Variants in GABRG3 observed in about 807,000 individuals in gnomAD.
The protein encoded by GABRG3 is gamma-aminobutyric acid receptor subunit gamma-3.
A neutral mutation model predicts 48.8 loss-of-function variants in GABRG3; 25 were observed. The ratio of observed to expected loss-of-function variants is 0.51; its 90% confidence interval spans 0.37 to 0.72. The LOEUF is 0.72. GABRG3 is among the 30% of genes least tolerant of loss of function. The pLI, the probability that GABRG3 is intolerant of heterozygous loss-of-function variation, is 0.00. For missense variants in GABRG3, 394 were observed against 577.9 expected, an observed-to-expected ratio of 0.68 and a Z score of 3.26; for synonymous variants, 227 against 217.6, an observed-to-expected ratio of 1.04 and a Z score of -0.38.
At chr15:27,135,742 TA>T (rs1446968205) in intron 3 of GABRG3, among the ~76,000 whole-genome samples, 4 of 151,922 alleles carry the variant, frequency 2.6e-5, no homozygotes, top group Admixed American at 2.6e-4. Context: ...CCATCTCTAC[TA>T]AAAATACAAA....
At chr15:27,470,244 CTT>C (rs535233140) in intron 5 of GABRG3, among the ~76,000 whole-genome samples, 2 of 146,364 alleles carry the variant, frequency 1.4e-5, no homozygotes, top group African/African-American at 5.0e-5. Flanking sequence ...CTTTCTCTCT[CTT>C]TTTTTTTTTC....
chr15:27,263,411 C>A (rs1331001392), intron 3 of GABRG3, among the ~76,000 whole-genome samples: 1 of 152,090 alleles, frequency 6.6e-6, no homozygotes, highest in African/African-American at 2.4e-5. Context: ...CCTTCTATGA[C>A]AGAAACGACT....
chr15:27,509,210 T>G (rs1352043077), intron 6 of GABRG3, among the ~76,000 whole-genome samples: 1 of 152,198 alleles, frequency 6.6e-6, no homozygotes, highest in African/African-American at 2.4e-5. Flanking sequence ...GCTCCTCTGG[T>G]GAGGGAAAAA....
intron 3 of GABRG3, among the ~76,000 whole-genome samples, chr15:27,214,350 G>T (rs898730329): frequency 1.3e-5 from 2 of 152,232 alleles, no homozygotes; most frequent in Non-Finnish European, 2.9e-5. Context: ...GGCCATGATG[G>T]CCGCGTCGGG....
intron 6 of GABRG3, among the ~76,000 whole-genome samples, chr15:27,487,309 A>G (rs1485342798): frequency 6.6e-6 from 1 of 152,246 alleles, no homozygotes; most frequent in Non-Finnish European, 1.5e-5. Context: ...ACCTGAATAA[A>G]TTATAACATT....
chr15:27,472,993 G>T (rs538959651), intron 5 of GABRG3, among the ~76,000 whole-genome samples: 60 of 152,166 alleles, frequency 3.9e-4, no homozygotes, highest in African/African-American at 1.4e-3. Context: ...ATATATTAAT[G>T]TATTAAAAGA....
At chr15:27,013,827 G>A (rs1326523184) in intron 2 of GABRG3, among the ~76,000 whole-genome samples, 3 of 151,942 alleles carry the variant, frequency 2.0e-5, no homozygotes, top group Non-Finnish European at 4.4e-5. Context: ...CCCCAGGATT[G>A]TTTTGGCTAT....
At chr15:27,348,627 A>C (rs982461014) in intron 5 of GABRG3, among the ~76,000 whole-genome samples, 26 of 152,194 alleles carry the variant, frequency 1.7e-4, no homozygotes, top group African/African-American at 6.3e-4. Flanking sequence ...CCTCTTTCCA[A>C]TGATTAAGTG....
At chr15:27,088,580 G>A (rs1897128169) in intron 3 of GABRG3, among the ~76,000 whole-genome samples, 1 of 152,146 alleles carries the variant, frequency 6.6e-6, no homozygotes, top group African/African-American at 2.4e-5. Flanking sequence ...CAGTTCCGCA[G>A]GCCTAACAGC....
At chr15:27,369,629 G>A (rs551090047) in intron 5 of GABRG3, among the ~76,000 whole-genome samples, 91 of 151,824 alleles carry the variant, frequency 6.0e-4, no homozygotes, top group African/African-American at 1.6e-3. Flanking sequence ...CATCCTGGCT[G>A]ACACTGTCTC....
chr15:27,175,019 A>G (rs1020356492), intron 3 of GABRG3, among the ~76,000 whole-genome samples: 1 of 152,148 alleles, frequency 6.6e-6, no homozygotes, highest in Non-Finnish European at 1.5e-5. Context: ...TTTAAAACCA[A>G]TCAGGACCAA....
At chr15:27,099,536 T>C (rs1897321070) in intron 3 of GABRG3, among the ~76,000 whole-genome samples, 1 of 152,176 alleles carries the variant, frequency 6.6e-6, no homozygotes, top group South Asian at 2.1e-4. Flanking sequence ...CATCATTACG[T>C]CTTTGAAGAC....
At chr15:27,353,354 A>G (rs572159258) in intron 5 of GABRG3, among the ~76,000 whole-genome samples, 2 of 152,154 alleles carry the variant, frequency 1.3e-5, no homozygotes, top group African/African-American at 4.8e-5. Flanking sequence ...CTGCCTCAGG[A>G]CCCTGCAGCA....
At chr15:27,443,830 A>G (rs943689294) in intron 5 of GABRG3, among the ~76,000 whole-genome samples, 3 of 152,098 alleles carry the variant, frequency 2.0e-5, no homozygotes, top group African/African-American at 7.2e-5. Flanking sequence ...TCTATTTCAA[A>G]TTTGCCTGGA....
At chr15:27,321,202 C>T (rs933273448) in intron 3 of GABRG3, among the ~76,000 whole-genome samples, 14 of 152,246 alleles carry the variant, frequency 9.2e-5, no homozygotes, top group Admixed American at 9.2e-4. Flanking sequence ...TGGTGCGGGG[C>T]CTTCACAGGG....
intron 3 of GABRG3, among the ~76,000 whole-genome samples, chr15:27,313,153 T>C (rs11632705): frequency 0.93 from 130,774 of 140,868 alleles, 61,357 homozygotes; most frequent in African/African-American, 0.98. Context: ...CATAATGTAA[T>C]GATAAAAGAG....
intron 6 of GABRG3, among the ~76,000 whole-genome samples, chr15:27,504,919 G>T (rs1208687037): frequency 6.6e-6 from 1 of 152,016 alleles, no homozygotes; most frequent in Non-Finnish European, 1.5e-5. Context: ...TTTACATTTT[G>T]CTCACTTTCC....
rs761024416 is a variant in GABRG3, at chr15:27,450,088, G to A, written c.575-30562G>A. ...AATGGAGATTCCAGAGAAACTGCCC[G>A]CTCCACAAGAGCAGAGCTGTTTTCT... On this transcript the variant is annotated intron_variant, in intron 5 of 9. Coordinates refer to ENST00000615808, the MANE Select transcript of GABRG3 (RefSeq NM_033223.5). 8.5e-5 allele frequency among the ~76,000 whole-genome samples: 13 copies of A among 152,104 alleles called. No homozygotes were observed. In the East Asian group the frequency reaches 9.6e-4, roughly 11 times the overall value.
chr15:27,019,955 C>T (rs1257295711), intron 2 of GABRG3, among the ~76,000 whole-genome samples: 1 of 152,170 alleles, frequency 6.6e-6, no homozygotes, highest in East Asian at 1.9e-4. Context: ...TGAAAGGCAG[C>T]AAATGCAATA....
Sources: allele counts gnomAD v4.1 joint callset (sites outside exome capture counted in the v4.1 genomes callset), GRCh38; gene constraint gnomAD v4.1.1; transcripts MANE v1.5; gene names NCBI Gene and HGNC (gene_info 2026-07-23, HGNC 2026-07-21).